TBCK: variants seen among roughly 807,000 people sequenced by gnomAD.
TBCK encodes TBC domain-containing protein kinase-like protein.
A neutral mutation model predicts 113.4 loss-of-function variants in TBCK; 99 were observed. The ratio of observed to expected loss-of-function variants is 0.87; its 90% confidence interval spans 0.74 to 1.03. TBCK has a LOEUF of 1.03. Ranked by LOEUF, TBCK falls within the 50% of genes least tolerant of loss-of-function variation. TBCK has a pLI of 0.00. For synonymous variants in TBCK, 369 were observed against 370.8 expected, an observed-to-expected ratio of 1.00 and a Z score of 0.05; for missense variants, 1,045 against 1,061.3, an observed-to-expected ratio of 0.98 and a Z score of 0.21.
chr4:106,137,124 A>G (rs1746651501), intron 23 of TBCK, among the ~76,000 whole-genome samples: 1 of 140,498 alleles, frequency 7.1e-6, no homozygotes, highest in Non-Finnish European at 1.6e-5. Flanking sequence ...GTTAGAGATA[A>G]AAAGTGGCAT....
chr4:106,104,338 G>A (rs1741894385), intron 24 of TBCK, among the ~76,000 whole-genome samples: 1 of 152,208 alleles, frequency 6.6e-6, no homozygotes, highest in Admixed American at 6.5e-5. Context: ...TTCCCAGGGA[G>A]ATGGGTGGGT....
At chr4:106,215,863 G>A (rs1255612412) in intron 19 of TBCK, among the ~76,000 whole-genome samples, 4 of 151,770 alleles carry the variant, frequency 2.6e-5, no homozygotes, top group Admixed American at 2.0e-4. Context: ...GCACCAAGCG[G>A]ACCCAATAGA....
intron 3 of TBCK, among the ~76,000 whole-genome samples, chr4:106,273,259 G>C (rs73838192): frequency 0.018 from 2,780 of 152,222 alleles, 79 homozygotes; most frequent in African/African-American, 0.061. Context: ...CTAAATCTTA[G>C]ACATAATAAA....
At chr4:106,077,830 C>T (rs978389367) in intron 25 of TBCK, among the ~76,000 whole-genome samples, 4 of 152,132 alleles carry the variant, frequency 2.6e-5, no homozygotes, top group Non-Finnish European at 4.4e-5. Context: ...ACAGAACACT[C>T]CATCCAACAA....
At chr4:106,285,573 A>T (rs973380161) in intron 3 of TBCK, among the ~76,000 whole-genome samples, 27 of 152,264 alleles carry the variant, frequency 1.8e-4, no homozygotes, top group African/African-American at 6.3e-4. Flanking sequence ...TAAAATTTAA[A>T]TTTAAATTTC....
intron 3 of TBCK, among the ~76,000 whole-genome samples, chr4:106,276,771 T>C (rs1764069973): frequency 6.6e-6 from 1 of 151,988 alleles, no homozygotes. Flanking sequence ...GGAGGGCCCC[T>C]GTAATCCCAG....
intron 25 of TBCK, among the ~76,000 whole-genome samples, chr4:106,092,603 T>C (rs1169989842): frequency 6.6e-6 from 1 of 152,216 alleles, no homozygotes; most frequent in African/African-American, 2.4e-5. Flanking sequence ...GGGCCAGCAC[T>C]GCTGGGGGAC....
intron 23 of TBCK, among the ~76,000 whole-genome samples, chr4:106,126,961 G>C (rs1015837787): frequency 6.6e-5 from 10 of 152,016 alleles, no homozygotes; most frequent in Non-Finnish European, 1.2e-4. Flanking sequence ...GTATTCCCCA[G>C]CTCTTTGGGA....
intron 20 of TBCK, among the ~76,000 whole-genome samples, chr4:106,204,787 C>A (rs1327037730): frequency 2.9e-5 from 3 of 103,288 alleles, no homozygotes; most frequent in African/African-American, 1.0e-4. Flanking sequence ...GAGACGGAGT[C>A]TCGCTCTGTC....
intron 19 of TBCK, among the ~76,000 whole-genome samples, chr4:106,217,465 A>C (rs1579281538): frequency 6.6e-6 from 1 of 152,196 alleles, no homozygotes; most frequent in East Asian, 1.9e-4. Context: ...ATATCTAGAA[A>C]ACCCCATTGT....
At chr4:106,309,208 AAAAAG>A (rs1163619411) in intron 1 of TBCK, among the ~76,000 whole-genome samples, 6 of 152,260 alleles carry the variant, frequency 3.9e-5, no homozygotes, top group African/African-American at 1.4e-4. Context: ...CAATGGCATA[AAAAAG>A]AAAAGATTAT....
At chr4:106,111,537 C>T (rs888480329) in intron 24 of TBCK, among the ~76,000 whole-genome samples, 1 of 152,172 alleles carries the variant, frequency 6.6e-6, no homozygotes, top group Admixed American at 6.5e-5. Flanking sequence ...GCTGAACAGT[C>T]CTACCATGTG....
At chr4:106,189,342 CAA>C (rs1189938399) in intron 22 of TBCK, among the ~76,000 whole-genome samples, 10 of 59,458 alleles carry the variant, frequency 1.7e-4, no homozygotes, top group Admixed American at 6.0e-4. Context: ...GACTCCATCT[CAA>C]AAAAAAAAAA....
intron 3 of TBCK, among the ~76,000 whole-genome samples, chr4:106,271,500 C>T (rs999152469): frequency 6.6e-6 from 1 of 151,968 alleles, no homozygotes; most frequent in Non-Finnish European, 1.5e-5. Context: ...ACCTGTAATC[C>T]CAGCACTTTG....
chr4:106,136,204 T>C (rs114028344), intron 23 of TBCK, among the ~76,000 whole-genome samples: 1,612 of 139,850 alleles, frequency 0.012, 277 homozygotes, highest in Non-Finnish European at 0.019. Context: ...TATAAATACA[T>C]GCAATTCCAT....
intron 23 of TBCK, among the ~76,000 whole-genome samples, chr4:106,127,206 C>CAAAAAA (rs35461999): frequency 1.7e-4 from 11 of 65,468 alleles, no homozygotes; most frequent in Admixed American, 5.1e-4. Context: ...GACTCCGTCT[C>CAAAAAA]AAAAAAAAAA....
intron 3 of TBCK, among the ~76,000 whole-genome samples, chr4:106,263,693 A>C (rs1032333810): frequency 6.6e-6 from 1 of 151,926 alleles, no homozygotes; most frequent in African/African-American, 2.4e-5. Context: ...TACTAGATTG[A>C]ATAAAATTTT....
rs533940059 is a variant in TBCK at position 106,108,987 on chromosome 4, A to G, written c.2411+7216T>C. 3.3e-5 allele frequency among the ~76,000 whole-genome samples: 5 copies of G among 151,392 alleles called. No individual in the cohort carries two copies. In the East Asian group the frequency reaches 9.8e-4, roughly 30 times the overall value. On this transcript the variant is annotated intron_variant, in intron 24 of 25. Transcript: ENST00000394708. ...CAACCAACCTGAAAGCAAAATCAGA[A>G]AGGCAATCCCATTCACAACTGACAC... is the stretch of plus-strand genomic sequence containing the variant.
At chr4:106,105,259 C>A (rs1421774244) in intron 24 of TBCK, among the ~76,000 whole-genome samples, 4 of 152,362 alleles carry the variant, frequency 2.6e-5, no homozygotes, top group Middle Eastern at 3.4e-3. Flanking sequence ...CTTGGGCCCA[C>A]AGAACAAACC....
Sources: gnomAD v4.1 joint callset for allele counts (sites outside exome capture counted in the v4.1 genomes callset) on GRCh38, gnomAD v4.1.1 for gene constraint, MANE v1.5 for transcripts, NCBI Gene and HGNC (gene_info 2026-07-23, HGNC 2026-07-21) for gene names.